The following TCF7L2 variants were observed in gnomAD, a reference collection of about 807,000 sequenced individuals.
TCF7L2 encodes the protein transcription factor 7-like 2.
Under a neutral mutation model 77.9 loss-of-function variants are expected in TCF7L2, and 23 were observed. That is an observed-to-expected ratio of 0.30 (90% CI 0.21 to 0.42). The LOEUF (loss-of-function observed/expected upper bound fraction) is 0.42. Among genes scored for constraint, TCF7L2 ranks in the 10% least tolerant of loss-of-function variants. TCF7L2 has a pLI of 1.00. For synonymous variants in TCF7L2, 413 were observed against 340.2 expected (o/e 1.21, Z -2.36); for missense variants, 654 against 793.1 (o/e 0.82, Z 2.11).
At chr10:113,018,549 G>A (rs1193694766) in intron 4 of TCF7L2, among the ~76,000 whole-genome samples, 1 of 145,818 alleles carries the variant, frequency 6.9e-6, no homozygotes, top group East Asian at 2.0e-4. Context: ...CCAGGTTCAA[G>A]CAATCTACAA....
At chr10:113,069,909 A>G (rs1177542807) in intron 5 of TCF7L2, among the ~76,000 whole-genome samples, 1 of 152,066 alleles carries the variant, frequency 6.6e-6, no homozygotes, top group African/African-American at 2.4e-5. Flanking sequence ...ACTGGATCAC[A>G]TGGCTGGTCG....
intron 4 of TCF7L2, among the ~76,000 whole-genome samples, chr10:112,985,514 A>G (rs1445197315): frequency 6.6e-6 from 1 of 152,172 alleles, no homozygotes; most frequent in African/African-American, 2.4e-5. Context: ...GCCTAAGTCC[A>G]GAAACAACAT....
chr10:113,117,849 T>G (rs1290188196), intron 5 of TCF7L2, among the ~76,000 whole-genome samples: 1 of 152,168 alleles, frequency 6.6e-6, no homozygotes, highest in Admixed American at 6.5e-5. Context: ...TAGCTGCTGT[T>G]TCTGCTCCGC....
At chr10:113,116,094 A>G (rs2063698614) in intron 5 of TCF7L2, among the ~76,000 whole-genome samples, 1 of 152,214 alleles carries the variant, frequency 6.6e-6, no homozygotes, top group Non-Finnish European at 1.5e-5. Flanking sequence ...GCTGACAACA[A>G]TGCAGAAATG....
chr10:112,957,380 A>C (rs1158737758), intron 3 of TCF7L2, among the ~76,000 whole-genome samples: 1 of 152,064 alleles, frequency 6.6e-6, no homozygotes, highest in African/African-American at 2.4e-5. Context: ...TTTTTAAAAA[A>C]GTGAGATGAG....
chr10:113,154,982 ATTTT>A (rs59885014), intron 11 of TCF7L2, among the ~76,000 whole-genome samples: 2 of 144,066 alleles, frequency 1.4e-5, no homozygotes, highest in African/African-American at 2.6e-5. Context: ...CTTAACTAGT[ATTTT>A]TTTTTTTTTT....
At chr10:113,145,105 T>G (rs982092590) in intron 7 of TCF7L2, among the ~76,000 whole-genome samples, 2 of 142,776 alleles carry the variant, frequency 1.4e-5, no homozygotes, top group African/African-American at 5.0e-5. Flanking sequence ...GTTAGATAGA[T>G]TCTATGCTGT....
chr10:113,048,265 A>G (rs1468434310), intron 5 of TCF7L2, among the ~76,000 whole-genome samples: 1 of 152,196 alleles, frequency 6.6e-6, no homozygotes, highest in Non-Finnish European at 1.5e-5. Context: ...AAATAAAACA[A>G]AATTGTTCAT....
intron 11 of TCF7L2, among the ~76,000 whole-genome samples, chr10:113,156,588 A>T (rs537319854): frequency 1.3e-5 from 2 of 152,322 alleles, no homozygotes; most frequent in East Asian, 3.9e-4. Flanking sequence ...CTATGAGGGG[A>T]GGGAGAACTA....
intron 4 of TCF7L2, among the ~76,000 whole-genome samples, chr10:112,985,368 C>G (rs936238013): frequency 6.6e-6 from 1 of 152,128 alleles, no homozygotes; most frequent in Admixed American, 6.6e-5. Context: ...CTTCAGGATC[C>G]TTCCATGGGA....
intron 5 of TCF7L2, among the ~76,000 whole-genome samples, chr10:113,086,940 C>T (rs922450057): frequency 2.6e-5 from 4 of 151,518 alleles, no homozygotes; most frequent in African/African-American, 7.3e-5. Flanking sequence ...AAGAGGAAAG[C>T]AGGGGGTGGT....
intron 5 of TCF7L2, among the ~76,000 whole-genome samples, chr10:113,053,427 C>A (rs1002143397): frequency 6.6e-6 from 1 of 152,058 alleles, no homozygotes; most frequent in Non-Finnish European, 1.5e-5. Flanking sequence ...TCCTGCTGGG[C>A]GCAGGCGTGT....
rs188437411 is a variant in TCF7L2, at chr10:113,058,976, A to C, written c.552+18850A>C. ...CTTTTCATGGAGATAAAGTGTCAGG[A>C]GCAAGACCCCAAACCTGCGAAATCA... On this transcript the variant is annotated intron_variant, in intron 5 of 13. Coordinates refer to ENST00000627217, the MANE Select transcript of TCF7L2 (RefSeq NM_001146274.2). 3.2e-4 allele frequency among the ~76,000 whole-genome samples: 49 copies of C among 152,292 alleles called. 1 individual carries two copies. The highest frequency in any genetic ancestry group is 2.9e-3 in the Admixed American group (45 of 15,298).
At chr10:113,101,078 G>A (rs1163158984) in intron 5 of TCF7L2, among the ~76,000 whole-genome samples, 1 of 151,184 alleles carries the variant, frequency 6.6e-6, no homozygotes, top group Non-Finnish European at 1.5e-5. Flanking sequence ...TCCGTCTCAA[G>A]GGGGGAAAAA....
chr10:112,995,687 C>T (rs1378311124), intron 4 of TCF7L2, among the ~76,000 whole-genome samples: 1 of 152,274 alleles, frequency 6.6e-6, no homozygotes, highest in South Asian at 2.1e-4. Flanking sequence ...TTAAATTAGC[C>T]TAAAGGTCAT....
intron 5 of TCF7L2, among the ~76,000 whole-genome samples, chr10:113,054,013 T>C (rs1014304550): frequency 1.3e-5 from 2 of 152,026 alleles, no homozygotes; most frequent in East Asian, 3.9e-4. Context: ...GAGAGGCAGG[T>C]TTCCGGACAC....
intron 1 of TCF7L2, 70 bp from the exon 2 acceptor site, chr10:112,951,137 T>C (rs2030954612): frequency 7.2e-7 from 1 of 1,386,862 alleles, no homozygotes; most frequent in Admixed American, 2.4e-5. Context: ...GCCGATTCTT[T>C]TTCTCCCCCT....
intron 5 of TCF7L2, among the ~76,000 whole-genome samples, chr10:113,066,826 TGAG>T (rs1373689476): frequency 6.6e-6 from 1 of 152,264 alleles, no homozygotes; most frequent in Non-Finnish European, 1.5e-5. Context: ...TATTGACAGA[TGAG>T]GAGGCTGGGC....
chr10:113,036,709 A>C (rs1718931108), intron 4 of TCF7L2, among the ~76,000 whole-genome samples: 1 of 141,314 alleles, frequency 7.1e-6, no homozygotes, highest in South Asian at 2.3e-4. Context: ...ATGAAAGTTG[A>C]GCAGACTCCC....
Sources: allele counts gnomAD v4.1 joint callset (sites outside exome capture counted in the v4.1 genomes callset), GRCh38; gene constraint gnomAD v4.1.1; transcripts MANE v1.5; gene names NCBI Gene and HGNC (gene_info 2026-07-23, HGNC 2026-07-21).